DPP6: variants seen among roughly 807,000 people sequenced by gnomAD.
The protein encoded by DPP6 is dipeptidyl peptidase like 6.
In DPP6, 69 loss-of-function variants were observed where a neutral mutation model predicts 122.6. That is an observed-to-expected ratio of 0.56 (90% CI 0.46 to 0.69). DPP6 has a LOEUF of 0.69. Ranked by LOEUF, DPP6 falls within the 30% of genes least tolerant of loss-of-function variation. DPP6 has a pLI of 0.00. For missense variants in DPP6, 928 were observed against 1,116.9 expected (o/e 0.83, Z 2.41); for synonymous variants, 418 against 433.1 (o/e 0.97, Z 0.43).
intron 5 of DPP6, among the ~76,000 whole-genome samples, chr7:154,576,684 A>G (rs1174863068): frequency 5.9e-5 from 9 of 152,134 alleles, no homozygotes; most frequent in African/African-American, 2.2e-4. Flanking sequence ...CAGGCCGGGC[A>G]CAGCCCCTGT....
chr7:154,048,771 A>G (rs1381660232), upstream of DPP6, among the ~76,000 whole-genome samples: 1 of 113,428 alleles, frequency 8.8e-6, no homozygotes, highest in Non-Finnish European at 2.0e-5. Flanking sequence ...TCTCAGAAAT[A>G]AGAAAACCTC....
chr7:154,719,288 G>A (rs1841673203), intron 7 of DPP6, among the ~76,000 whole-genome samples: 1 of 152,110 alleles, frequency 6.6e-6, no homozygotes, highest in Non-Finnish European at 1.5e-5. Flanking sequence ...CTGGGATCTG[G>A]GGGCTCCAAA....
In DPP6 at chr7:153,975,412, A is replaced by G. The variant is rs529316495; in HGVS notation, c.51+87678A>G. 3.2e-3 allele frequency among the ~76,000 whole-genome samples: 474 copies of G among 150,088 alleles called. 2 individuals are homozygous for G. The highest frequency in any genetic ancestry group is 0.017 in the Middle Eastern group (5 of 294). On this transcript the variant is annotated intron_variant, in intron 1 of 25. Coordinates refer to the DPP6 transcript ENST00000404039. ...GACTCTCTATTAGAGAAATTTTACC[A>G]AAACAGTTATGTTTCAGGAAAGTGG...
chr7:153,964,889 C>G (rs541265262), intron 1 of DPP6, among the ~76,000 whole-genome samples: 1 of 131,866 alleles, frequency 7.6e-6, no homozygotes, highest in African/African-American at 3.4e-5. Flanking sequence ...TTCTTTCTTC[C>G]CTTTCTTTCC....
At chr7:153,992,047 C>G (rs967074920) in intron 1 of DPP6, among the ~76,000 whole-genome samples, 14 of 152,170 alleles carry the variant, frequency 9.2e-5, no homozygotes, top group Non-Finnish European at 2.1e-4. Flanking sequence ...TCCTGCAACC[C>G]CATTTTTTTA....
intron 1 of DPP6, among the ~76,000 whole-genome samples, chr7:154,032,322 A>G (rs936519990): frequency 3.9e-5 from 6 of 152,174 alleles, no homozygotes; most frequent in African/African-American, 1.2e-4. Context: ...TTGCTGAGAA[A>G]GAGCAAGGAA....
At chr7:154,272,032 T>G (rs1332234328) in intron 1 of DPP6, among the ~76,000 whole-genome samples, 1 of 152,202 alleles carries the variant, frequency 6.6e-6, no homozygotes, top group Admixed American at 6.5e-5. Context: ...CTCAAAACTC[T>G]CTCTACATTT....
At chr7:154,545,511 C>T (rs1427904375) in intron 4 of DPP6, among the ~76,000 whole-genome samples, 1 of 143,062 alleles carries the variant, frequency 7.0e-6, no homozygotes, top group African/African-American at 2.5e-5. Flanking sequence ...TTCCTTCCTT[C>T]CTTCCTTCCT....
intron 4 of DPP6, among the ~76,000 whole-genome samples, chr7:154,565,793 G>T (rs567837529): frequency 1.3e-5 from 2 of 152,296 alleles, no homozygotes; most frequent in Admixed American, 1.3e-4. Flanking sequence ...CCAAAGTGCT[G>T]GGATTACAGG....
intron 1 of DPP6, among the ~76,000 whole-genome samples, chr7:154,208,281 T>G (rs550125474): frequency 1.3e-5 from 2 of 152,206 alleles, no homozygotes; most frequent in Non-Finnish European, 2.9e-5. Context: ...GCAAAAATTA[T>G]GACTAGGTAA....
rs12536770 is a variant in DPP6, at chr7:154,220,948, G to C, written c.243+167885G>C. Among the ~76,000 whole-genome samples the C allele has an allele frequency of 5.2e-3, 792 of 152,234 alleles. 2 individuals carry two copies. Among genetic ancestry groups the C allele is most frequent in the Middle Eastern group, 0.017 (5 of 294 alleles). On this transcript the variant is annotated intron_variant, in intron 1 of 25. Transcript: ENST00000377770. ...TTCTTCCTTATTTCATGGTAGTCTTGAATTAGTGATAAACAGAGTTTGACC... is the reference window on the plus strand; with the variant it reads ...TTCTTCCTTATTTCATGGTAGTCTTCAATTAGTGATAAACAGAGTTTGACC...
intron 1 of DPP6, among the ~76,000 whole-genome samples, chr7:154,074,441 A>G (rs1328071336): frequency 6.6e-6 from 1 of 152,222 alleles, no homozygotes; most frequent in Non-Finnish European, 1.5e-5. Context: ...TCTGATGACT[A>G]TACCCCACAT....
the DPP6 span, among the ~76,000 whole-genome samples, chr7:153,783,884 A>C: frequency 6.6e-6 from 1 of 152,228 alleles, no homozygotes; most frequent in Non-Finnish European, 1.5e-5. Flanking sequence ...TAATCGAAGT[A>C]GACTGGACAA....
At chr7:154,794,439 C>T (rs1007292568) in intron 11 of DPP6, among the ~76,000 whole-genome samples, 3 of 152,234 alleles carry the variant, frequency 2.0e-5, no homozygotes, top group East Asian at 1.9e-4. Context: ...AGAGGCGCCC[C>T]GTGCCTGGCA....
intron 1 of DPP6, among the ~76,000 whole-genome samples, chr7:154,005,978 G>C (rs1797898560): frequency 6.6e-6 from 1 of 152,072 alleles, no homozygotes; most frequent in Non-Finnish European, 1.5e-5. Context: ...TCTCAATGGG[G>C]TCAGGCGGGC....
rs541224500 is a variant in DPP6 at position 154,039,348 on chromosome 7, T to C, written c.51+151614T>C. Among the ~76,000 whole-genome samples, 38 of 143,834 alleles carry C rather than the reference T, an allele frequency of 2.6e-4. 4 individuals are homozygous for C. Among genetic ancestry groups the C allele is most frequent in the African/African-American group, 1.0e-3 (35 of 35,112 alleles). The allele number at this position is 143,834 out of a possible 152,430, so 94.4% of individuals were successfully genotyped here. Reference sequence around the variant, plus strand: ...TTTTCTTGGACGATGAATCTGTAGTTTTTCAAAGATCAGAAAATTCCTGTT... The same window carrying C: ...TTTTCTTGGACGATGAATCTGTAGTCTTTCAAAGATCAGAAAATTCCTGTT... On this transcript the variant is annotated intron_variant, in intron 1 of 25. Coordinates refer to the DPP6 transcript ENST00000404039.
At chr7:154,351,633 G>A (rs867026533) in intron 1 of DPP6, among the ~76,000 whole-genome samples, 13 of 152,326 alleles carry the variant, frequency 8.5e-5, no homozygotes, top group African/African-American at 2.9e-4. Flanking sequence ...AGGAGAGCCT[G>A]GAATGTGCTG....
At chr7:154,373,509 T>C (rs12703349) in intron 1 of DPP6, among the ~76,000 whole-genome samples, 102,447 of 151,982 alleles carry the variant, frequency 0.67, 36,353 homozygotes, top group East Asian at 0.78. Flanking sequence ...GCCTTGCAAA[T>C]GGGCACAATT....
At chr7:154,707,271 T>C (rs547034959) in intron 7 of DPP6, among the ~76,000 whole-genome samples, 10 of 152,298 alleles carry the variant, frequency 6.6e-5, no homozygotes, top group African/African-American at 2.4e-4. Context: ...TCCCATAAAT[T>C]ATCTGCTTTC....
Sources: gnomAD v4.1 joint callset for allele counts (sites outside exome capture counted in the v4.1 genomes callset) on GRCh38, gnomAD v4.1.1 for gene constraint, MANE v1.5 for transcripts, NCBI Gene and HGNC (gene_info 2026-07-23, HGNC 2026-07-21) for gene names.